The following LMCD1 variants were observed in gnomAD, a reference collection of about 807,000 sequenced individuals.
LMCD1 encodes the protein LIM and cysteine-rich domains protein 1.
Under a neutral mutation model 42.7 loss-of-function variants are expected in LMCD1, and 32 were observed. That is an observed-to-expected ratio of 0.75 (90% CI 0.57 to 1.01). LMCD1 has a LOEUF of 1.01. Among genes scored for constraint, LMCD1 ranks in the 50% least tolerant of loss-of-function variants. LMCD1 has a pLI of 0.00. For missense variants in LMCD1, 458 were observed against 483.1 expected, an observed-to-expected ratio of 0.95 and a Z score of 0.49; for synonymous variants, 178 against 184.9, an observed-to-expected ratio of 0.96 and a Z score of 0.30.
At chr3:8,534,190 A>G (rs1694466670) in intron 2 of LMCD1, among the ~76,000 whole-genome samples, 2 of 151,474 alleles carry the variant, frequency 1.3e-5, no homozygotes, top group African/African-American at 4.9e-5. Context: ...GCCAGGGGAA[A>G]ATGTTATCTA....
At chr3:8,504,815 G>T (rs1018031012) in intron 1 of LMCD1, among the ~76,000 whole-genome samples, 1 of 152,210 alleles carries the variant, frequency 6.6e-6, no homozygotes, top group Non-Finnish European at 1.5e-5. Flanking sequence ...GGGCCTTGAA[G>T]GCCAAATGCC....
At chr3:8,502,029 T>TC (rs1693734232) in intron 1 of LMCD1, 49 bp downstream of exon 1, 1 of 1,541,352 alleles carries the variant, frequency 6.5e-7, no homozygotes, top group Non-Finnish European at 8.8e-7. Flanking sequence ...TTTTTCTTGT[T>TC]CCCCTTCCCA....
intron 1 of LMCD1, among the ~76,000 whole-genome samples, chr3:8,532,456 T>G (rs1694429979): frequency 6.6e-6 from 1 of 152,116 alleles, no homozygotes. Flanking sequence ...TTCCAACCAG[T>G]CTTGCTGTTT....
chr3:8,560,102 T>C (rs1310253239), intron 4 of LMCD1, among the ~76,000 whole-genome samples: 4 of 152,164 alleles, frequency 2.6e-5, no homozygotes, highest in Non-Finnish European at 5.9e-5. Context: ...ACTCCTCATC[T>C]CAAGAACCAG....
Position 8,569,808 on chromosome 3 carries a change from C to T in LMCD1, c.*2210C>T. ...CCTAGGAGTTCGAGACCGGCCTGGGCAACATGGCAAAACTCCACCCCTACA... is the reference window on the plus strand; with the variant it reads ...CCTAGGAGTTCGAGACCGGCCTGGGTAACATGGCAAAACTCCACCCCTACA... On this transcript the variant is annotated 3_prime_UTR_variant, in exon 6 of 6. Transcript: ENST00000157600. The T allele has an allele frequency of 6.6e-6, 1 of 152,430 alleles. No individual in the cohort carries two copies. The highest frequency in any genetic ancestry group is 1.5e-5 in the Non-Finnish European group (1 of 68,318). The allele number at this position is 152,430 out of a possible 1,614,324, so 9.4% of individuals were successfully genotyped here. A position where few individuals can be genotyped will look rare whatever the true frequency, so the allele number is the denominator to read the frequency against.
intron 1 of LMCD1, among the ~76,000 whole-genome samples, chr3:8,509,305 TGGACCTA>T (rs1221982219): frequency 6.6e-6 from 1 of 152,182 alleles, no homozygotes; most frequent in Non-Finnish European, 1.5e-5. Context: ...TAGTTAAACT[TGGACCTA>T]GCCATAAATA....
intron 4 of LMCD1, chr3:8,551,397 A>C: frequency 3.7e-5 from 34 of 930,630 alleles, no homozygotes; most frequent in Non-Finnish European, 4.1e-5. Context: ...CACTATGCTC[A>C]CACTGTCAGG....
intron 3 of LMCD1, among the ~76,000 whole-genome samples, chr3:8,540,654 G>A (rs1694605340): frequency 6.6e-6 from 1 of 152,222 alleles, no homozygotes; most frequent in Non-Finnish European, 1.5e-5. Context: ...TTCAGGGAAG[G>A]CTATCATGAA....
intron 4 of LMCD1, chr3:8,550,019 C>T: frequency 1.3e-6 from 2 of 1,515,884 alleles, no homozygotes; most frequent in Non-Finnish European, 1.8e-6. Flanking sequence ...TATGTTTCAA[C>T]CTGAGTGTTT....
intron 3 of LMCD1, among the ~76,000 whole-genome samples, chr3:8,539,429 G>T (rs191485248): frequency 6.6e-6 from 1 of 152,118 alleles, no homozygotes; most frequent in East Asian, 1.9e-4. Flanking sequence ...GGCTTGTCCC[G>T]GGCCACAGAG....
At chr3:8,544,017 G>A (rs1447856267) in intron 3 of LMCD1, among the ~76,000 whole-genome samples, 1 of 152,212 alleles carries the variant, frequency 6.6e-6, no homozygotes, top group East Asian at 1.9e-4. Context: ...TGCTGCAGTT[G>A]TGTGATGCAC....
At position 8,501,868 on chromosome 3, in the gene LMCD1, C is replaced by T. The variant is rs868622799; in HGVS notation, c.-71C>T. The T allele has an allele frequency of 6.9e-6, 10 of 1,447,664 alleles. No individual in the cohort carries two copies. The African/African-American group carries it at 1.3e-4, about 19-fold the overall frequency. The allele number at this position is 1,447,664 out of a possible 1,614,324, so 89.7% of individuals were successfully genotyped here. ...CCCGCGAACTTGGCCATTCAGCCGC[C>T]GCTGTCCCCGCTGCGCGCCCTCGCG... On this transcript the variant is annotated 5_prime_UTR_variant, in exon 1 of 6. Coordinates refer to ENST00000157600, the MANE Select transcript of LMCD1 (RefSeq NM_014583.4).
intron 1 of LMCD1, among the ~76,000 whole-genome samples, chr3:8,507,928 T>C (rs1693916090): frequency 6.6e-6 from 1 of 152,232 alleles, no homozygotes; most frequent in Non-Finnish European, 1.5e-5. Flanking sequence ...ACTGAACTCA[T>C]TGATAGTCTG....
Position 8,513,359 on chromosome 3 carries a change from T to C in LMCD1, c.42+11379T>C, listed in dbSNP as rs187510028. 5.4e-4 allele frequency among the ~76,000 whole-genome samples: 82 copies of C among 152,264 alleles called. 1 individual carries two copies. Among genetic ancestry groups the C allele is most frequent in the African/African-American group, 1.9e-3 (77 of 41,560 alleles). On this transcript the variant is annotated intron_variant, in intron 1 of 5. Transcript: ENST00000157600. Reference sequence around the variant, plus strand: ...AGGGTTTGTCTGGGGATCCATCTTGTTACTTGTGCCAGCTCCTCCACCTGG... The same window carrying C: ...AGGGTTTGTCTGGGGATCCATCTTGCTACTTGTGCCAGCTCCTCCACCTGG...
intron 1 of LMCD1, among the ~76,000 whole-genome samples, chr3:8,502,799 T>C (rs1336026205): frequency 6.6e-6 from 1 of 152,060 alleles, no homozygotes; most frequent in Non-Finnish European, 1.5e-5. Context: ...GTTGCCTACC[T>C]GAATGCAGCT....
chr3:8,501,880 T>G lies in LMCD1; in HGVS notation c.-59T>G. 4 of 1,521,256 alleles carry G rather than the reference T, an allele frequency of 2.6e-6. No individual in the cohort carries two copies. In the South Asian group the frequency reaches 4.8e-5, roughly 18 times the overall value. 94.2% of individuals were successfully genotyped at this position (1,521,256 alleles called of 1,614,324 possible). A position where few individuals can be genotyped will look rare whatever the true frequency, so the allele number is the denominator to read the frequency against. On this transcript the variant is annotated 5_prime_UTR_variant, in exon 1 of 6. Transcript: ENST00000157600. ...GCCATTCAGCCGCCGCTGTCCCCGC[T>G]GCGCGCCCTCGCGCCTCTGCCTGAG...
rs541672945 is a variant in LMCD1 at position 8,551,005 on chromosome 3, C to T, written c.723+2102C>T. ...AGGAAATGATTGTGAACTTGGGAAG[C>T]ATTTAAATAGCAATACTAGACAGTA... On this transcript the variant is annotated intron_variant, in intron 4 of 5. Coordinates refer to ENST00000157600, the MANE Select transcript of LMCD1 (RefSeq NM_014583.4). 8 of 985,282 alleles carry T rather than the reference C, an allele frequency of 8.1e-6. No homozygotes were observed. In the South Asian group the frequency reaches 3.8e-4, roughly 46 times the overall value. 61.0% of individuals were successfully genotyped at this position (985,282 alleles called of 1,614,324 possible).
intron 4 of LMCD1, among the ~76,000 whole-genome samples, chr3:8,556,728 T>C (rs1167247412): frequency 6.6e-6 from 1 of 152,202 alleles, no homozygotes; most frequent in South Asian, 2.1e-4. Context: ...AAGGAGCCAG[T>C]CCTTGGGCCC....
At chr3:8,541,315 C>T (rs1031601746) in intron 3 of LMCD1, among the ~76,000 whole-genome samples, 11 of 152,070 alleles carry the variant, frequency 7.2e-5, no homozygotes, top group Admixed American at 3.3e-4. Context: ...TTTGGGAAGC[C>T]GAGGCAGGTG....
Sources: allele counts gnomAD v4.1 joint callset (sites outside exome capture counted in the v4.1 genomes callset), GRCh38; gene constraint gnomAD v4.1.1; transcripts MANE v1.5; gene names NCBI Gene and HGNC (gene_info 2026-07-23, HGNC 2026-07-21).